The following TRIOBP variants were observed in gnomAD, a reference collection of about 807,000 sequenced individuals.
TRIOBP encodes the protein TRIO and F-actin binding protein, also known as TRIO and F-actin-binding protein.
A neutral mutation model predicts 238.8 loss-of-function variants in TRIOBP; 169 were observed. That is an observed-to-expected ratio of 0.71 (90% CI 0.62 to 0.80). The LOEUF (loss-of-function observed/expected upper bound fraction) is 0.80, where lower values mean the gene tolerates loss of function less well. Among genes scored for constraint, TRIOBP ranks in the 30% least tolerant of loss-of-function variants. The pLI is 0.00. For missense variants in TRIOBP, 2,838 were observed against 3,122.6 expected (o/e 0.91, Z 2.17); for synonymous variants, 1,150 against 1,274.4 (o/e 0.90, Z 2.08).
Position 37,726,022 on chromosome 22 carries a change from G to T in TRIOBP, c.3466G>T (p.Glu1156Ter). ...SLVPSMDSLH[E>*]CPHIPTPVCI... Reference sequence around the variant, plus strand: ...TGTCCCTTCCATGGACTCTCTGCACGAGTGCCCCCACATCCCCACCCCTGT... The same window carrying T: ...TGTCCCTTCCATGGACTCTCTGCACTAGTGCCCCCACATCCCCACCCCTGT... The change falls in exon 7 of 24, where the codon GAG becomes TAG. Residue 1156 changes from glutamate (E) to a stop codon, truncating the protein, a stop_gained. Coordinates refer to ENST00000644935, the MANE Select transcript of TRIOBP (RefSeq NM_001039141.3). LOFTEE classifies it high-confidence loss of function. 1 of 1,610,982 alleles carries T rather than the reference G, an allele frequency of 6.2e-7. No homozygotes were observed. Among genetic ancestry groups the T allele is most frequent in the Middle Eastern group, 1.7e-4 (1 of 6,056 alleles).
Position 37,769,112 on chromosome 22 carries a change from G to A in TRIOBP, c.6660G>A (p.Met2220Ile), listed in dbSNP as rs1194859585. Residue 2220 changes from methionine to isoleucine, a missense_variant, in exon 20 of 24, where the codon ATG (methionine) becomes ATA (isoleucine). Met to Ile is a conservative substitution (Grantham distance 10). Transcript: ENST00000644935. ...AGTGCCTGGAGATTGGGGCACTCAT[G>A]CGGCAGGCTGAGGAGCGCGAGCACA... ...SQKCLEIGAL[M>I]RQAEEREHTL... is the part of the protein sequence containing the mutation. 1.2e-6 allele frequency: 2 copies of A among 1,613,402 alleles called. No homozygotes were observed. The highest frequency in any genetic ancestry group is 1.7e-6 in the Non-Finnish European group (2 of 1,180,002).
Position 37,723,313 on chromosome 22 carries a change from CGAA to C in TRIOBP, c.759_761del (p.Ser254del), listed in dbSNP as rs1569040051. 6.2e-7 allele frequency: 1 copy of C among 1,614,082 alleles called. No homozygotes were observed. Among genetic ancestry groups the C allele is most frequent in the Non-Finnish European group, 8.5e-7 (1 of 1,179,978 alleles). On this transcript the variant is annotated inframe_deletion, in exon 7 of 24. Coordinates refer to ENST00000644935, the MANE Select transcript of TRIOBP (RefSeq NM_001039141.3). The stretch of plus-strand genomic sequence containing the variant: ...CTCCATGACACCACACAGTGGACCT[CGAA>C]GCACCACGTCTCAGGCTTCTCCTGC...
intron 5 of TRIOBP, among the ~76,000 whole-genome samples, chr22:37,714,523 G>T (rs545283815): frequency 1.3e-5 from 2 of 152,264 alleles, no homozygotes; most frequent in East Asian, 3.9e-4. Context: ...ACAAAAATTA[G>T]CAGGGTGTGG....
At chr22:37,746,245 G>C in intron 11 of TRIOBP, 1 of 1,090,438 alleles carries the variant, frequency 9.2e-7, no homozygotes. Flanking sequence ...TTTATGGGCG[G>C]ATGGAAGGGG....
In TRIOBP at chr22:37,701,327, A is replaced by G. The variant is rs758032128; in HGVS notation, c.-39A>G. 1.2e-5 allele frequency: 19 copies of G among 1,539,242 alleles called. No homozygotes were observed. The African/African-American group carries it at 2.0e-4, about 17-fold the overall frequency. On this transcript the variant is annotated 5_prime_UTR_variant, in exon 3 of 24. Transcript: ENST00000644935. ...CCAGGCCTCACATAGACGGTCAGCC[A>G]TTGGATCATAGGAACTGCCCTGGCC...
At chr22:37,761,211 G>A (rs1027097263) in intron 17 of TRIOBP, among the ~76,000 whole-genome samples, 6 of 152,050 alleles carry the variant, frequency 3.9e-5, no homozygotes, top group Non-Finnish European at 5.9e-5. Flanking sequence ...ACTTTGGGAG[G>A]TGAGGTGGGT....
intron 11 of TRIOBP, chr22:37,746,188 G>C (rs1177275314): frequency 9.7e-7 from 1 of 1,035,872 alleles, no homozygotes; most frequent in Non-Finnish European, 1.2e-6. Flanking sequence ...CCACCCATTG[G>C]CCCGCTCGGG....
intron 2 of TRIOBP, among the ~76,000 whole-genome samples, chr22:37,700,157 G>A (rs557534078): frequency 1.1e-4 from 17 of 152,110 alleles, no homozygotes; most frequent in Admixed American, 8.5e-4. Context: ...GATTACAGGC[G>A]TGAGCCACCG....
At chr22:37,704,081 G>T (rs1166229196) in intron 3 of TRIOBP, among the ~76,000 whole-genome samples, 1 of 152,020 alleles carries the variant, frequency 6.6e-6, no homozygotes, top group Non-Finnish European at 1.5e-5. Flanking sequence ...TAGATGATGG[G>T]GAAATCATGA....
In TRIOBP at chr22:37,776,282, A is replaced by C. The variant is rs549792320; in HGVS notation, c.*2502A>C. On this transcript the variant is annotated 3_prime_UTR_variant, in exon 24 of 24. Transcript: ENST00000644935. ...AATAGCTCAGAGGAGAAGGTCTGCC[A>C]GTACCAAGTGCTGGTGGGGATACGG... The C allele has an allele frequency of 1.3e-5, 2 of 152,390 alleles. No homozygotes were observed. The highest frequency in any genetic ancestry group is 4.8e-5 in the African/African-American group (2 of 41,602). 9.4% of individuals were successfully genotyped at this position (152,390 alleles called of 1,614,324 possible).
At chr22:37,715,234 C>T (rs925329548) in intron 5 of TRIOBP, among the ~76,000 whole-genome samples, 10 of 152,246 alleles carry the variant, frequency 6.6e-5, no homozygotes, top group African/African-American at 1.9e-4. Context: ...AGGCTGGTTT[C>T]GAACTCCTGC....
chr22:37,767,639 G>A (rs1460384435), intron 18 of TRIOBP, among the ~76,000 whole-genome samples: 1 of 152,188 alleles, frequency 6.6e-6, no homozygotes, highest in African/African-American at 2.4e-5. Context: ...TGCTGACTGT[G>A]GAGCCTGAGC....
At position 37,716,976 on chromosome 22, in the gene TRIOBP, C is replaced by T. The variant is rs189431304; in HGVS notation, c.628+1042C>T. Among the ~76,000 whole-genome samples, 12 of 152,236 alleles carry T rather than the reference C, an allele frequency of 7.9e-5. No individual in the cohort carries two copies. The East Asian group carries it at 1.7e-3, about 22-fold the overall frequency. On this transcript the variant is annotated intron_variant, in intron 6 of 23. Transcript: ENST00000644935. ...AGTCATGGTTTCAAAGTATTGTGTCCGGAATTGGTGGGTTCTTGGTCTCAC... is the reference window on the plus strand; with the variant it reads ...AGTCATGGTTTCAAAGTATTGTGTCTGGAATTGGTGGGTTCTTGGTCTCAC...
intron 7 of TRIOBP, among the ~76,000 whole-genome samples, chr22:37,727,073 ATTTTTTTGTAT>A (rs1569043343): frequency 2.0e-5 from 3 of 151,048 alleles, no homozygotes; most frequent in African/African-American, 7.3e-5. Context: ...CACCCGGCTA[ATTTTTTTGTAT>A]TTTTACTAGA....
At chr22:37,744,667 A>C (rs1186309701) in intron 11 of TRIOBP, among the ~76,000 whole-genome samples, 4 of 152,042 alleles carry the variant, frequency 2.6e-5, no homozygotes, top group African/African-American at 9.7e-5. Context: ...CCAAGGACTG[A>C]CTGCCTGAGT....
Position 37,738,567 on chromosome 22 carries a change from G to T in TRIOBP, c.5107-75G>T, listed in dbSNP as rs1280414015. On this transcript the variant is annotated intron_variant, in intron 9 of 23. Coordinates refer to ENST00000644935, the MANE Select transcript of TRIOBP (RefSeq NM_001039141.3). ...TGTTGCATGGACAGATGATAGAATG[G>T]ATGGATGAGGTGGACAGATGCATGC... 5.7e-6 allele frequency: 8 copies of T among 1,403,196 alleles called. No individual in the cohort carries two copies. In the Admixed American group the frequency reaches 1.4e-4, roughly 25 times the overall value. 86.9% of individuals were successfully genotyped at this position (1,403,196 alleles called of 1,614,324 possible). A position where few individuals can be genotyped will look rare whatever the true frequency, so the allele number is the denominator to read the frequency against.
intron 21 of TRIOBP, among the ~76,000 whole-genome samples, 167 bp from the exon 22 acceptor site, chr22:37,771,483 G>A (rs572363049): frequency 2.3e-4 from 35 of 152,106 alleles, no homozygotes; most frequent in East Asian, 1.9e-4. Flanking sequence ...CAGGGGAATC[G>A]GAGAGGGCTT....
intron 13 of TRIOBP, 47 bp downstream of exon 13, chr22:37,755,031 G>T: frequency 6.2e-7 from 1 of 1,611,006 alleles, no homozygotes; most frequent in South Asian, 1.1e-5. Flanking sequence ...GCCTGGGGTG[G>T]CCTGGCTGGG....
chr22:37,751,125 C>G, intron 11 of TRIOBP: 1 of 436,116 alleles, frequency 2.3e-6, no homozygotes, highest in Non-Finnish European at 4.7e-6. Flanking sequence ...GTGCCTGGCA[C>G]AGGTCTCCAT....
Sources: allele counts gnomAD v4.1 joint callset (sites outside exome capture counted in the v4.1 genomes callset), GRCh38; gene constraint gnomAD v4.1.1; transcripts MANE v1.5; gene names NCBI Gene and HGNC (gene_info 2026-07-23, HGNC 2026-07-21).